Variants in SPARC observed in about 807,000 individuals in gnomAD.
The protein encoded by SPARC is secreted protein acidic and cysteine rich.
In SPARC, 23 loss-of-function variants were observed where a neutral mutation model predicts 37.7. The ratio of observed to expected loss-of-function variants is 0.61; its 90% CI spans 0.44 to 0.87. The LOEUF is 0.87. SPARC is among the 40% of genes least tolerant of loss of function. The pLI, the probability that SPARC is intolerant of heterozygous loss-of-function variation, is 0.00. For synonymous variants in SPARC, 155 were observed against 150.8 expected (o/e 1.03, Z -0.20); for missense variants, 312 against 389.0 (o/e 0.80, Z 1.66).
chr5:151,663,556 G>A lies in SPARC; in HGVS notation c.*15C>T, dbSNP rs1760559094. 1.9e-6 allele frequency: 3 copies of A among 1,612,116 alleles called. No individual in the cohort carries two copies. The highest frequency in any genetic ancestry group is 1.3e-5 in the African/African-American group (1 of 74,886). On this transcript the variant is annotated 3_prime_UTR_variant, in exon 10 of 10. Transcript: ENST00000231061. ...AGGGTTAAAGAGAGAATCCGGTACT[G>A]TGGAAGGAGTGGATTTAGATCACAA...
At position 151,671,570 on chromosome 5, in the gene SPARC, C is replaced by T. The variant is rs2113096594; in HGVS notation, c.330+3G>A. The T allele has an allele frequency of 6.4e-7, 1 of 1,568,882 alleles. No individual in the cohort carries two copies. Among genetic ancestry groups the T allele is most frequent in the Non-Finnish European group, 8.6e-7 (1 of 1,158,448 alleles). ...CCCCCTGCCCCTGTCTCTCAGCCCT[C>T]ACCTTCTCAAACTCGCCAATGGGGG... On this transcript the variant is annotated splice_donor_region_variant and intron_variant, in intron 5 of 9. Transcript: ENST00000231061.
At chr5:151,673,271 TA>T in intron 3 of SPARC, 55 bp from the exon 4 acceptor site, 1 of 1,226,420 alleles carries the variant, frequency 8.2e-7, no homozygotes, top group Non-Finnish European at 1.2e-6. Context: ...CCCAGACCCA[TA>T]AGGGTAGCTG....
rs774517881 is a variant in SPARC at position 151,669,795 on chromosome 5, A to G, written c.331-11T>C. On this transcript the variant is annotated splice_polypyrimidine_tract_variant and intron_variant, in intron 5 of 9. Transcript: ENST00000231061. ...GTCATTGCTGCACACCTGTTGGCAA[A>G]GCACAGAGTACCCCCTCCTTCATTC... 2 of 1,614,092 alleles carry G rather than the reference A, an allele frequency of 1.2e-6. No homozygotes were observed. Among genetic ancestry groups the G allele is most frequent in the South Asian group, 2.2e-5 (2 of 91,080 alleles).
chr5:151,665,199 G>A (rs1396895925), intron 8 of SPARC, among the ~76,000 whole-genome samples: 1 of 152,194 alleles, frequency 6.6e-6, no homozygotes, highest in East Asian at 1.9e-4. Context: ...CCTTGCCCAA[G>A]CTGGACCCCT....
intron 9 of SPARC, 24 bp from the exon 10 acceptor site, chr5:151,663,623 G>C (rs1325132182): frequency 6.2e-7 from 1 of 1,613,426 alleles, no homozygotes; most frequent in African/African-American, 1.3e-5. Flanking sequence ...AAAGAGCACG[G>C]TTAAAAATAA....
At position 151,670,609 on chromosome 5, in the gene SPARC, T is replaced by C. The variant is rs531738069; in HGVS notation, c.331-825A>G. The stretch of plus-strand genomic sequence containing the variant: ...CTTAGGTGTGAGTACAACTGTATGC[T>C]GAGCCAATGGAGTCCTAGTCGATCT... On this transcript the variant is annotated intron_variant, in intron 5 of 9. Transcript: ENST00000231061. Among the ~76,000 whole-genome samples the C allele has an allele frequency of 1.2e-3, 178 of 152,310 alleles. 2 individuals are homozygous for C. The highest frequency in any genetic ancestry group is 4.1e-3 in the African/African-American group (169 of 41,570).
At chr5:151,671,985 G>A (rs1443340897) in intron 4 of SPARC, among the ~76,000 whole-genome samples, 1 of 152,166 alleles carries the variant, frequency 6.6e-6, no homozygotes, top group African/African-American at 2.4e-5. Context: ...TGGCTTTCCT[G>A]AAGATTGAAG....
chr5:151,673,248 GC>G lies in SPARC; in HGVS notation c.121-33del, dbSNP rs141989932. ...TTGAGGGAGAAGAATGGGTGAAATGGCCCCACTCCCATCCCAGACCCATAAG... is the reference window on the plus strand; with the variant it reads ...TTGAGGGAGAAGAATGGGTGAAATGGCCCACTCCCATCCCAGACCCATAAG... On this transcript the variant is annotated intron_variant, in intron 3 of 9. Transcript: ENST00000231061. The G allele has an allele frequency of 2.3e-4, 332 of 1,442,982 alleles. 2 individuals carry two copies. In the African/African-American group the frequency reaches 4.3e-3, roughly 19 times the overall value. 89.4% of individuals were successfully genotyped at this position (1,442,982 alleles called of 1,614,324 possible).
In SPARC at chr5:151,667,362, G is replaced by T. The variant is rs187804559; in HGVS notation, c.585+105C>A. ...CGTGTCCTGGTGCTCAGGGGTAAAT[G>T]CACGCTCCGGAGCAGGATGCCGCCC... is the stretch of plus-strand genomic sequence containing the variant. On this transcript the variant is annotated intron_variant, in intron 7 of 9. Coordinates refer to ENST00000231061, the MANE Select transcript of SPARC (RefSeq NM_003118.4). 3.3e-4 allele frequency: 436 copies of T among 1,303,488 alleles called. 5 individuals carry two copies. In the East Asian group the frequency reaches 1.0e-2, roughly 30 times the overall value. 80.7% of individuals were successfully genotyped at this position (1,303,488 alleles called of 1,614,324 possible).
chr5:151,667,351 C>T (rs1294881231), intron 7 of SPARC, 116 bp downstream of exon 7: 2 of 1,164,184 alleles, frequency 1.7e-6, no homozygotes, highest in Non-Finnish European at 2.5e-6. Flanking sequence ...TCCTGGTGCT[C>T]AGGGGTAAAT....
intron 9 of SPARC, 76 bp downstream of exon 9, chr5:151,664,011 G>T: frequency 1.9e-6 from 3 of 1,544,838 alleles, no homozygotes; most frequent in Non-Finnish European, 2.7e-6. Context: ...AGAGCGGAGA[G>T]TGGGGGGATG....
chr5:151,679,918 T>A (rs1760946806), intron 1 of SPARC, among the ~76,000 whole-genome samples: 1 of 152,166 alleles, frequency 6.6e-6, no homozygotes, highest in South Asian at 2.1e-4. Context: ...TGAGTTGCCA[T>A]CATTAAATCT....
intron 9 of SPARC, 93 bp from the exon 10 acceptor site, chr5:151,663,692 G>A: frequency 7.6e-7 from 1 of 1,309,044 alleles, no homozygotes; most frequent in Non-Finnish European, 1.1e-6. Flanking sequence ...CCATCCCCAG[G>A]GGCAGGGGTC....
intron 8 of SPARC, 79 bp from the exon 9 acceptor site, chr5:151,664,314 G>T: frequency 7.5e-7 from 1 of 1,339,906 alleles, no homozygotes. Flanking sequence ...CGGGGAGTTA[G>T]CCTGCCCCAG....
chr5:151,671,755 T>G, intron 4 of SPARC, 61 bp from the exon 5 acceptor site: 1 of 1,601,088 alleles, frequency 6.2e-7, no homozygotes, highest in Non-Finnish European at 8.5e-7. Context: ...ACCCCCATCC[T>G]ACCTGGACAG....
chr5:151,670,524 G>T (rs1760725705), intron 5 of SPARC, among the ~76,000 whole-genome samples: 1 of 152,176 alleles, frequency 6.6e-6, no homozygotes, highest in African/African-American at 2.4e-5. Context: ...TCCAGACTCT[G>T]CTAGTGTCTT....
chr5:151,679,384 C>A (rs941326922), intron 1 of SPARC: 2 of 152,222 alleles, frequency 1.3e-5, no homozygotes, highest in African/African-American at 4.8e-5. Flanking sequence ...CCCGTGCAAC[C>A]CTACCCCACC....
intron 5 of SPARC, 147 bp from the exon 6 acceptor site, chr5:151,669,931 G>T: frequency 1.7e-6 from 2 of 1,163,876 alleles, no homozygotes; most frequent in East Asian, 2.4e-5. Flanking sequence ...TAGTGATAGG[G>T]CTGGGCCACA....
intron 1 of SPARC, among the ~76,000 whole-genome samples, chr5:151,678,255 C>T (rs1379337243): frequency 6.6e-6 from 1 of 152,200 alleles, no homozygotes; most frequent in Non-Finnish European, 1.5e-5. Flanking sequence ...GACAGGAAGA[C>T]AGACATTTCC....
Sources: gnomAD v4.1 joint callset for allele counts (sites outside exome capture counted in the v4.1 genomes callset) on GRCh38, gnomAD v4.1.1 for gene constraint, MANE v1.5 for transcripts, NCBI Gene and HGNC (gene_info 2026-07-23, HGNC 2026-07-21) for gene names.